The following ZNRF1 variants were observed in gnomAD, a reference collection of about 807,000 sequenced individuals.
ZNRF1 encodes the protein E3 ubiquitin-protein ligase ZNRF1.
ZNRF1 carries 3 observed loss-of-function variants against 18.4 expected under a neutral mutation model. The observed-to-expected ratio is 0.16, with a 90% CI of 0.07 to 0.42. The LOEUF is 0.42. Ranked by LOEUF, ZNRF1 falls within the 10% of genes least tolerant of loss-of-function variation. The probability of loss-of-function intolerance (pLI) is 0.99; values close to 1 mark genes in which losing one functional copy is unlikely to be tolerated. For synonymous variants in ZNRF1, 157 were observed against 144.2 expected (o/e 1.09, Z -0.64); for missense variants, 310 against 329.8 (o/e 0.94, Z 0.47).
chr16:75,051,535 G>GGT (rs2035605396), intron 1 of ZNRF1, among the ~76,000 whole-genome samples: 1 of 148,962 alleles, frequency 6.7e-6, no homozygotes, highest in Non-Finnish European at 1.5e-5. Flanking sequence ...TTTTTTTGGG[G>GGT]GGGACGGAGT....
intron 4 of ZNRF1, 36 bp downstream of exon 4, chr16:75,106,607 C>G (rs1357727977): frequency 6.3e-7 from 1 of 1,592,664 alleles, no homozygotes; most frequent in Non-Finnish European, 8.6e-7. Context: ...GGGCTCAAGG[C>G]TTGGGGTCAG....
intron 1 of ZNRF1, among the ~76,000 whole-genome samples, chr16:75,022,769 A>C (rs573123297): frequency 1.3e-5 from 2 of 152,192 alleles, no homozygotes; most frequent in Non-Finnish European, 2.9e-5. Flanking sequence ...AGTGCTGCTC[A>C]AAACTCTTCC....
chr16:75,100,943 T>A (rs747645956), intron 2 of ZNRF1, among the ~76,000 whole-genome samples: 1 of 152,210 alleles, frequency 6.6e-6, no homozygotes, highest in Non-Finnish European at 1.5e-5. Flanking sequence ...AAAGTTTTTA[T>A]GTTTTTTTGA....
At chr16:75,085,666 G>A (rs1000460112) in intron 1 of ZNRF1, among the ~76,000 whole-genome samples, 1 of 152,038 alleles carries the variant, frequency 6.6e-6, no homozygotes, top group African/African-American at 2.4e-5. Flanking sequence ...TGAGAGTTCC[G>A]GTTGCTACAC....
intron 1 of ZNRF1, among the ~76,000 whole-genome samples, chr16:75,052,862 A>G (rs1043864697): frequency 2.6e-5 from 4 of 152,248 alleles, no homozygotes; most frequent in East Asian, 1.9e-4. Context: ...TAATCATTGC[A>G]TGATCTCTTT....
intron 1 of ZNRF1, among the ~76,000 whole-genome samples, chr16:75,051,992 A>G (rs1465085338): frequency 6.6e-6 from 1 of 152,210 alleles, no homozygotes; most frequent in East Asian, 1.9e-4. Flanking sequence ...GTATTTCTTT[A>G]TAGCTTTTCC....
At chr16:75,063,916 G>C (rs2035771460) in intron 1 of ZNRF1, among the ~76,000 whole-genome samples, 1 of 152,232 alleles carries the variant, frequency 6.6e-6, no homozygotes, top group African/African-American at 2.4e-5. Flanking sequence ...CACTAGAGAA[G>C]TGTTGGAGAA....
At chr16:75,020,793 C>T (rs918680271) in intron 1 of ZNRF1, among the ~76,000 whole-genome samples, 16 of 152,126 alleles carry the variant, frequency 1.1e-4, no homozygotes, top group East Asian at 7.7e-4. Flanking sequence ...CCGCTGCCCT[C>T]GGCCTCCCAA....
At chr16:75,045,685 C>G (rs2035506072) in intron 1 of ZNRF1, among the ~76,000 whole-genome samples, 2 of 151,022 alleles carry the variant, frequency 1.3e-5, no homozygotes, top group Non-Finnish European at 2.9e-5. Flanking sequence ...GCCAGTAAAC[C>G]TAACTTGCTC....
rs368561346 is a variant in ZNRF1, at chr16:75,070,276, A to G, written c.425-23296A>G. On this transcript the variant is annotated intron_variant, in intron 1 of 4. Transcript: ENST00000335325. ...CCGCCTAGCCCAGGCCGGCCTCTCC[A>G]TTCACACCACCGATAGCCTGAATGA... Among the ~76,000 whole-genome samples the G allele has an allele frequency of 1.1e-3, 171 of 152,268 alleles. 2 individuals are homozygous for G. The highest frequency in any genetic ancestry group is 4.0e-3 in the African/African-American group (168 of 41,572).
At chr16:75,050,984 G>T (rs1239163166) in intron 1 of ZNRF1, among the ~76,000 whole-genome samples, 2 of 150,238 alleles carry the variant, frequency 1.3e-5, no homozygotes, top group African/African-American at 4.9e-5. Flanking sequence ...CTTGAGCTCA[G>T]GAGTTTAACA....
chr16:75,080,515 A>G (rs903691915), intron 1 of ZNRF1, among the ~76,000 whole-genome samples: 2 of 152,194 alleles, frequency 1.3e-5, no homozygotes, highest in African/African-American at 4.8e-5. Context: ...TAGGGTGGAC[A>G]GTAGGGTAGA....
At chr16:75,037,214 G>A (rs1455686483) in intron 1 of ZNRF1, among the ~76,000 whole-genome samples, 1 of 152,156 alleles carries the variant, frequency 6.6e-6, no homozygotes, top group Non-Finnish European at 1.5e-5. Flanking sequence ...TCCTGTTTCA[G>A]CAAACTCTTA....
intron 1 of ZNRF1, among the ~76,000 whole-genome samples, chr16:75,075,797 T>C (rs1238591852): frequency 6.6e-6 from 1 of 152,148 alleles, no homozygotes; most frequent in Non-Finnish European, 1.5e-5. Flanking sequence ...GAATCGATGT[T>C]AGGATGCTGT....
intron 1 of ZNRF1, among the ~76,000 whole-genome samples, chr16:75,004,609 G>T (rs552658786): frequency 6.6e-6 from 1 of 152,128 alleles, no homozygotes; most frequent in Non-Finnish European, 1.5e-5. Context: ...ATTGTGTTTT[G>T]TTTTTGTTAT....
intron 1 of ZNRF1, among the ~76,000 whole-genome samples, chr16:75,043,715 G>A (rs978045116): frequency 2.6e-5 from 4 of 152,026 alleles, no homozygotes; most frequent in African/African-American, 7.2e-5. Flanking sequence ...AGACATGGGG[G>A]ATCCTGGGTT....
In ZNRF1 at chr16:75,000,056, C is replaced by G; in HGVS notation, c.385C>G (p.Pro129Ala). Residue 129 changes from proline (P) to alanine (A), a missense_variant, in exon 1 of 5, where the codon CCT (proline) becomes GCT (alanine). By Grantham distance (27) the Pro-to-Ala change is conservative. This residue lies in a region of ZNRF1 where 293 missense variants were observed against 291.2 expected (regional missense o/e 1.01). Transcript: ENST00000335325. ...GSRASLADALPLHIAPRWFSS... is the reference protein window; with the variant it reads ...GSRASLADALALHIAPRWFSS... ...CCGAGCCTCGCTGGCGGATGCTCTA[C>G]CTCTGCACATCGCACCCAGGTGGTT... 6.2e-7 allele frequency: 1 copy of G among 1,601,936 alleles called. No individual in the cohort carries two copies. The highest frequency in any genetic ancestry group is 8.5e-7 in the Non-Finnish European group (1 of 1,175,548).
chr16:75,043,790 C>CTT (rs59324869), intron 1 of ZNRF1, among the ~76,000 whole-genome samples: 5 of 75,190 alleles, frequency 6.6e-5, no homozygotes, highest in African/African-American at 1.8e-4. Context: ...TTGCTTTGTA[C>CTT]TTTTTTTTTT....
intron 1 of ZNRF1, among the ~76,000 whole-genome samples, chr16:75,006,671 G>C (rs2034922089): frequency 1.3e-5 from 2 of 152,052 alleles, no homozygotes; most frequent in East Asian, 3.9e-4. Context: ...CCTGACCTCG[G>C]GTGATCCACC....
Sources: gnomAD v4.1 joint callset for allele counts (sites outside exome capture counted in the v4.1 genomes callset) on GRCh38, gnomAD v4.1.1 for gene constraint, gnomAD v4.1.1 regional missense constraint, MANE v1.5 for transcripts, NCBI Gene and HGNC (gene_info 2026-07-23, HGNC 2026-07-21) for gene names.